Variants in MTG1 observed in about 807,000 individuals in gnomAD.
The protein encoded by MTG1 is mitochondrial ribosome associated GTPase 1, also known as mitochondrial ribosome-associated GTPase 1.
MTG1 carries 30 observed loss-of-function variants against 39.5 expected under a neutral mutation model. That is an observed-to-expected ratio of 0.76 (90% CI 0.57 to 1.03). The LOEUF is 1.03. Ranked by LOEUF, MTG1 falls within the 50% of genes least tolerant of loss-of-function variation. MTG1 has a pLI of 0.00. For missense variants in MTG1, 513 were observed against 447.4 expected (o/e 1.15, Z -1.32); for synonymous variants, 217 against 179.0 (o/e 1.21, Z -1.69).
chr10:133,396,944 A>G (rs1005488407), intron 3 of MTG1, among the ~76,000 whole-genome samples: 3 of 152,020 alleles, frequency 2.0e-5, no homozygotes, highest in African/African-American at 7.2e-5. Flanking sequence ...AAGGAAAAGC[A>G]CCCGCTACTT....
intron 3 of MTG1, 137 bp from the exon 4 acceptor site, chr10:133,398,298 G>T: frequency 1.3e-6 from 1 of 752,744 alleles, no homozygotes; most frequent in Non-Finnish European, 2.1e-6. Flanking sequence ...TACTTGGGAG[G>T]CTGAGGCATG....
chr10:133,414,410 T>C (rs1212558283), intron 9 of MTG1, among the ~76,000 whole-genome samples: 19 of 152,082 alleles, frequency 1.2e-4, no homozygotes, highest in Admixed American at 6.5e-4. Context: ...CATCATGGCC[T>C]GTTCTCAATG....
chr10:133,405,971 C>T (rs534596952), intron 9 of MTG1, among the ~76,000 whole-genome samples: 5 of 152,344 alleles, frequency 3.3e-5, no homozygotes, highest in South Asian at 2.1e-4. Context: ...GACAGCTCCC[C>T]TTTCTCTACA....
chr10:133,396,517 C>T (rs1849785447), intron 3 of MTG1, among the ~76,000 whole-genome samples: 1 of 152,210 alleles, frequency 6.6e-6, no homozygotes, highest in South Asian at 2.1e-4. Context: ...CCAGGTTGTG[C>T]TGCCAGAGCC....
Position 133,419,573 on chromosome 10 carries a change from GA to G in MTG1, c.848del (p.Lys283ArgfsTer9). 1 of 1,607,350 alleles carries G rather than the reference GA, an allele frequency of 6.2e-7. No individual in the cohort carries two copies. Among genetic ancestry groups the G allele is most frequent in the Admixed American group, 1.7e-5 (1 of 59,286 alleles). On this transcript the variant is annotated frameshift_variant, in exon 10 of 11. Coordinates refer to ENST00000317502, the MANE Select transcript of MTG1 (RefSeq NM_138384.4). LOFTEE classifies it low-confidence loss of function (END_TRUNC). Reference protein sequence around the residue: ...AVKLGKTQKVKVLTGTGNVNI... With the variant: ...AVKLGKTQKVXVLTGTGNVNI... ...TGAAGCTGGGGAAGACGCAGAAGGT[GA>G]AGGTGCTCACGGGCACGGGTGAGTG...
intron 3 of MTG1, 133 bp from the exon 4 acceptor site, chr10:133,398,302 A>T: frequency 1.3e-6 from 1 of 775,020 alleles, no homozygotes; most frequent in Non-Finnish European, 2.1e-6. Context: ...TGGGAGGCTG[A>T]GGCATGAGAA....
In MTG1 at chr10:133,401,399, G is replaced by A. The variant is rs534527424; in HGVS notation, c.512-130G>A. On this transcript the variant is annotated intron_variant, in intron 6 of 10. Transcript: ENST00000317502. ...GTTACATAGTCTCCCTGCTTGGCTG[G>A]TAAGTTGTGTTTGTTACATAGTCTC... 1.7e-4 allele frequency: 116 copies of A among 701,196 alleles called. No individual in the cohort carries two copies. In the East Asian group the frequency reaches 3.1e-3, roughly 18 times the overall value. The allele number at this position is 701,196 out of a possible 1,614,324, so 43.4% of individuals were successfully genotyped here.
intron 3 of MTG1, among the ~76,000 whole-genome samples, chr10:133,397,969 A>G: frequency 6.6e-6 from 1 of 152,110 alleles, no homozygotes; most frequent in East Asian, 1.9e-4. Context: ...GGAGAGAGGT[A>G]GACTTGCCCC....
intron 9 of MTG1, among the ~76,000 whole-genome samples, chr10:133,405,931 T>A (rs1425222847): frequency 2.0e-5 from 3 of 152,254 alleles, no homozygotes; most frequent in African/African-American, 7.2e-5. Flanking sequence ...ATAGTAGCTG[T>A]ACTAACTTAC....
intron 9 of MTG1, among the ~76,000 whole-genome samples, chr10:133,416,719 C>A (rs1011844805): frequency 1.4e-5 from 2 of 146,496 alleles, no homozygotes; most frequent in Admixed American, 7.0e-5. Context: ...CATGTCCCTA[C>A]AAAGGACATG....
At position 133,394,232 on chromosome 10, in the gene MTG1, C is replaced by A. The variant is rs1181611385; in HGVS notation, c.12C>A (p.Thr4=). 6 of 1,516,770 alleles carry A rather than the reference C, an allele frequency of 4.0e-6. No homozygotes were observed. Among genetic ancestry groups the A allele is most frequent in the Non-Finnish European group, 5.3e-6 (6 of 1,137,162 alleles). The allele number at this position is 1,516,770 out of a possible 1,614,324, so 94.0% of individuals were successfully genotyped here. ...GGGACGGTGCCGCCATGAGATTGAC[C>A]CCGCGCGCGCTGTGCAGCGCCGCCC... MRL[T]PRALCSAAQA... The change falls in exon 1 of 11, where the codon ACC becomes ACA. Residue 4 remains threonine, a synonymous_variant. Coordinates refer to ENST00000317502, the MANE Select transcript of MTG1 (RefSeq NM_138384.4).
rs143148592 is a variant in MTG1, at chr10:133,399,791, C to T, written c.511+172C>T. On this transcript the variant is annotated intron_variant, in intron 6 of 10. Transcript: ENST00000317502. ...TCGTTCAGTCCAGTTCACAGGAGGG[C>T]TGAACAGTGGGACCAGGTCGTTCTG... is the stretch of plus-strand genomic sequence containing the variant. The T allele has an allele frequency of 1.5e-4, 88 of 578,944 alleles. No individual in the cohort carries two copies. In the African/African-American group the frequency reaches 1.5e-3, roughly 10 times the overall value. The allele number at this position is 578,944 out of a possible 1,614,324, so 35.9% of individuals were successfully genotyped here.
At chr10:133,408,274 C>T (rs538704686) in intron 9 of MTG1, among the ~76,000 whole-genome samples, 19 of 152,252 alleles carry the variant, frequency 1.2e-4, no homozygotes, top group African/African-American at 3.9e-4. Flanking sequence ...TATCGTGAAG[C>T]GATGCTGAAT....
At chr10:133,395,594 C>T in intron 1 of MTG1, 119 bp from the exon 2 acceptor site, 1 of 932,018 alleles carries the variant, frequency 1.1e-6, no homozygotes, top group Non-Finnish European at 1.7e-6. Context: ...GTACGCTTCC[C>T]TCAGATATAG....
In MTG1 at chr10:133,411,320, T is replaced by C. The variant is rs570131412; in HGVS notation, c.753-8160T>C. On this transcript the variant is annotated intron_variant, in intron 9 of 10. Transcript: ENST00000317502. ...TTACATTGGAGCTCTTTTATAAATATATTTGCTGCTTTTCTCTTACTACTT... is the reference window on the plus strand; with the variant it reads ...TTACATTGGAGCTCTTTTATAAATACATTTGCTGCTTTTCTCTTACTACTT... 2.6e-5 allele frequency among the ~76,000 whole-genome samples: 4 copies of C among 152,338 alleles called. No homozygotes were observed. In the South Asian group the frequency reaches 6.2e-4, roughly 24 times the overall value.
chr10:133,407,645 C>T (rs775511674), intron 9 of MTG1, among the ~76,000 whole-genome samples: 31 of 151,550 alleles, frequency 2.0e-4, no homozygotes, highest in African/African-American at 6.0e-4. Context: ...CTTGGCTCAC[C>T]GCAACCTCCG....
chr10:133,394,498 C>T lies in MTG1; in HGVS notation c.112+166C>T, dbSNP rs1176486432. The T allele has an allele frequency of 1.1e-5, 15 of 1,335,590 alleles. No homozygotes were observed. In the East Asian group the frequency reaches 1.9e-4, roughly 17 times the overall value. The allele number at this position is 1,335,590 out of a possible 1,614,324, so 82.7% of individuals were successfully genotyped here. A position where few individuals can be genotyped will look rare whatever the true frequency, so the allele number is the denominator to read the frequency against. On this transcript the variant is annotated intron_variant, in intron 1 of 10. Coordinates refer to ENST00000317502, the MANE Select transcript of MTG1 (RefSeq NM_138384.4). The stretch of plus-strand genomic sequence containing the variant: ...CCCCGCTCTCACCCGCTCCCGGAGC[C>T]GCCGGGACCCCTTCCCCTGCGCAGC...
intron 1 of MTG1, among the ~76,000 whole-genome samples, chr10:133,394,957 G>A (rs34713356): frequency 0.17 from 25,558 of 152,000 alleles, 2,526 homozygotes; most frequent in Admixed American, 0.29. Context: ...CTCGGTCTTC[G>A]GATAACACTG....
chr10:133,418,992 ACACC>A, intron 9 of MTG1, among the ~76,000 whole-genome samples: 1 of 152,308 alleles, frequency 6.6e-6, no homozygotes, highest in East Asian at 1.9e-4. Flanking sequence ...CACCGCTCAA[ACACC>A]CAGCCGGGTG....
Sources: gnomAD v4.1 joint callset for allele counts (sites outside exome capture counted in the v4.1 genomes callset) on GRCh38, gnomAD v4.1.1 for gene constraint, MANE v1.5 for transcripts, NCBI Gene and HGNC (gene_info 2026-07-23, HGNC 2026-07-21) for gene names.